Variants in BTBD9 observed in about 807,000 individuals in gnomAD.
BTBD9 encodes the protein BTB domain containing 9.
Under a neutral mutation model 64.3 loss-of-function variants are expected in BTBD9, and 49 were observed. That is an observed-to-expected ratio of 0.76 (90% confidence interval 0.61 to 0.97). BTBD9 has a LOEUF of 0.97. BTBD9 is among the 50% of genes least tolerant of loss of function. BTBD9 has a pLI of 0.00. For missense variants in BTBD9, 598 were observed against 762.1 expected, an observed-to-expected ratio of 0.78 and a Z score of 2.53; for synonymous variants, 260 against 274.7, an observed-to-expected ratio of 0.95 and a Z score of 0.53.
chr6:38,240,879 C>A (rs1763969066), intron 9 of BTBD9, among the ~76,000 whole-genome samples: 1 of 152,176 alleles, frequency 6.6e-6, no homozygotes, highest in Non-Finnish European at 1.5e-5. Context: ...CTCAAACGGG[C>A]AGAGGCTGTG....
chr6:38,243,079 C>T (rs1403380027), intron 9 of BTBD9, among the ~76,000 whole-genome samples: 1 of 151,236 alleles, frequency 6.6e-6, no homozygotes, highest in East Asian at 1.9e-4. Context: ...TGAAGATCAG[C>T]CAGAGCAAAT....
intron 1 of BTBD9, among the ~76,000 whole-genome samples, chr6:38,622,384 T>A (rs1192886100): frequency 6.6e-6 from 1 of 152,178 alleles, no homozygotes; most frequent in East Asian, 1.9e-4. Flanking sequence ...AAAGTCCTAA[T>A]TCATGAAATA....
At chr6:38,475,441 T>C (rs948113991) in intron 6 of BTBD9, among the ~76,000 whole-genome samples, 1 of 152,218 alleles carries the variant, frequency 6.6e-6, no homozygotes, top group Non-Finnish European at 1.5e-5. Context: ...ACATAGCATA[T>C]TCCTGCTCTG....
chr6:38,374,306 T>TATATATATATATACATATATATATAC (rs1491240635), intron 6 of BTBD9, among the ~76,000 whole-genome samples: 1 of 84,658 alleles, frequency 1.2e-5, no homozygotes, highest in African/African-American at 5.8e-5. Flanking sequence ...TGTATATATA[T>TATATATATATATACATATATATATAC]GTATATATAT....
chr6:38,336,304 G>A (rs1490030569), intron 7 of BTBD9, among the ~76,000 whole-genome samples: 2 of 152,082 alleles, frequency 1.3e-5, no homozygotes, highest in Non-Finnish European at 2.9e-5. Flanking sequence ...AGGACTGACT[G>A]TATTATTCCA....
chr6:38,332,250 T>C (rs547085188), intron 7 of BTBD9, among the ~76,000 whole-genome samples: 1 of 152,366 alleles, frequency 6.6e-6, no homozygotes, highest in African/African-American at 2.4e-5. Context: ...CACCTTGAGA[T>C]AAGATAAATA....
intron 6 of BTBD9, among the ~76,000 whole-genome samples, chr6:38,498,290 C>G (rs756631200): frequency 1.3e-5 from 2 of 152,172 alleles, no homozygotes; most frequent in Non-Finnish European, 2.9e-5. Flanking sequence ...AACACCAGAG[C>G]TGGACTCTGC....
At chr6:38,438,254 G>GGAAGGAAA (rs1554152226) in intron 6 of BTBD9, among the ~76,000 whole-genome samples, 6,443 of 96,828 alleles carry the variant, frequency 0.067, 573 homozygotes, top group Middle Eastern at 0.23. Context: ...GAGGGAGGAA[G>GGAAGGAAA]GAAGGAAGGA....
chr6:38,595,870 TCTC>T (rs778991338), intron 2 of BTBD9: 303 of 985,228 alleles, frequency 3.1e-4, no homozygotes, highest in Non-Finnish European at 3.5e-4. Flanking sequence ...TTAAAGAACT[TCTC>T]CTTCTCGGGG....
At chr6:38,313,538 T>C in intron 7 of BTBD9, among the ~76,000 whole-genome samples, 1 of 152,166 alleles carries the variant, frequency 6.6e-6, no homozygotes, top group Non-Finnish European at 1.5e-5. Context: ...GCTTTTATTA[T>C]GTTGAGGTAT....
chr6:38,185,260 G>T (rs1582013749), intron 10 of BTBD9, among the ~76,000 whole-genome samples: 1 of 152,180 alleles, frequency 6.6e-6, no homozygotes, highest in South Asian at 2.1e-4. Context: ...GAGTTAAGGG[G>T]CTTTTTAATG....
Position 38,598,042 on chromosome 6 carries a change from T to C in BTBD9, c.53A>G (p.His18Arg). 6.2e-7 allele frequency: 1 copy of C among 1,613,960 alleles called. No homozygotes were observed. The highest frequency in any genetic ancestry group is 8.5e-7 in the Non-Finnish European group (1 of 1,179,870). ...RPFTAVGEID[H>R]VHILSEHIGA... is the part of the protein sequence containing the mutation. ...AATATGTTCAGACAAAATGTGCACA[T>C]GATCAATTTCCCCCACTGCAGTAAA... is the stretch of plus-strand genomic sequence containing the variant. Residue 18 changes from histidine (H) to arginine (R), a missense_variant, in exon 2 of 11, where the codon CAT becomes CGT. His to Arg is a conservative substitution (Grantham distance 29). Transcript: ENST00000481247.
At chr6:38,273,595 C>G (rs1386724821) in intron 8 of BTBD9, among the ~76,000 whole-genome samples, 1 of 152,132 alleles carries the variant, frequency 6.6e-6, no homozygotes, top group Admixed American at 6.5e-5. Context: ...GCAACTAAAA[C>G]CACAGAAAGC....
intron 1 of BTBD9, among the ~76,000 whole-genome samples, chr6:38,607,868 T>A (rs942663611): frequency 1.3e-5 from 2 of 152,030 alleles, no homozygotes; most frequent in Admixed American, 6.6e-5. Flanking sequence ...TAAAACAACC[T>A]TTCCCAAGTA....
At chr6:38,282,300 G>A (rs983105364) in intron 8 of BTBD9, among the ~76,000 whole-genome samples, 3 of 152,110 alleles carry the variant, frequency 2.0e-5, no homozygotes, top group Admixed American at 6.6e-5. Context: ...AATAAAATGC[G>A]TAACTTTTGC....
At chr6:38,549,141 C>T (rs1304606596) in intron 6 of BTBD9, among the ~76,000 whole-genome samples, 1 of 152,132 alleles carries the variant, frequency 6.6e-6, no homozygotes, top group African/African-American at 2.4e-5. Context: ...CATAAAAATG[C>T]CTTGCACTTC....
chr6:38,601,557 G>T (rs1777239982), intron 1 of BTBD9, among the ~76,000 whole-genome samples: 1 of 152,076 alleles, frequency 6.6e-6, no homozygotes, highest in African/African-American at 2.4e-5. Flanking sequence ...ATGGTGGCAT[G>T]AGCCTGTAAT....
intron 6 of BTBD9, among the ~76,000 whole-genome samples, chr6:38,479,572 G>A (rs559471702): frequency 6.6e-6 from 1 of 152,094 alleles, no homozygotes; most frequent in East Asian, 1.9e-4. Context: ...GCTTTATGAG[G>A]TAACACTCCC....
intron 6 of BTBD9, among the ~76,000 whole-genome samples, chr6:38,548,952 T>C (rs978187086): frequency 1.3e-5 from 2 of 152,138 alleles, no homozygotes; most frequent in African/African-American, 4.8e-5. Flanking sequence ...AACCCATGGG[T>C]AAAGGTGACT....
Sources: gnomAD v4.1 joint callset for allele counts (sites outside exome capture counted in the v4.1 genomes callset) on GRCh38, gnomAD v4.1.1 for gene constraint, MANE v1.5 for transcripts, NCBI Gene and HGNC (gene_info 2026-07-23, HGNC 2026-07-21) for gene names.